Variants in ZDHHC19 observed in about 807,000 individuals in gnomAD.
ZDHHC19 encodes zDHHC palmitoyltransferase 19.
In ZDHHC19, 30 loss-of-function variants were observed where a neutral mutation model predicts 33.9. The ratio of observed to expected loss-of-function variants is 0.88; its 90% CI spans 0.66 to 1.20. The LOEUF (loss-of-function observed/expected upper bound fraction) is 1.20, where lower values mean the gene tolerates loss of function less well. ZDHHC19 is among the 50% of genes most tolerant of loss of function. The pLI is 0.00. For missense variants in ZDHHC19, 364 were observed against 401.1 expected (o/e 0.91, Z 0.79); for synonymous variants, 178 against 167.6 (o/e 1.06, Z -0.48).
chr3:196,210,434 G>T (rs13096129), intron 2 of ZDHHC19, among the ~76,000 whole-genome samples, 182 bp downstream of exon 2: 1 of 92,422 alleles, frequency 1.1e-5, no homozygotes, highest in Non-Finnish European at 2.1e-5. Context: ...AAGAAAGAAA[G>T]AGAAAGAAAG....
At position 196,201,278 on chromosome 3, in the gene ZDHHC19, G is replaced by T. The variant is rs1482142893; in HGVS notation, c.688-2404C>A. Among the ~76,000 whole-genome samples the T allele has an allele frequency of 2.0e-5, 3 of 151,178 alleles. No homozygotes were observed. The South Asian group carries it at 6.2e-4, about 31-fold the overall frequency. On this transcript the variant is annotated intron_variant, in intron 5 of 7. Transcript: ENST00000296326. Reference sequence around the variant, plus strand: ...AGTAGAGACGGGGTTTCACTGTGTTGGCCAGTCTCGAACTCCTGACCTCAT... The same window carrying T: ...AGTAGAGACGGGGTTTCACTGTGTTTGCCAGTCTCGAACTCCTGACCTCAT...
intron 5 of ZDHHC19, among the ~76,000 whole-genome samples, chr3:196,201,873 C>T (rs533348028): frequency 2.0e-5 from 3 of 152,186 alleles, no homozygotes; most frequent in Admixed American, 6.5e-5. Flanking sequence ...CTTCTTGCTC[C>T]GTCTCCCACC....
chr3:196,206,700 G>A lies in ZDHHC19; in HGVS notation c.687+698C>T, dbSNP rs71323708. 4.7e-3 allele frequency among the ~76,000 whole-genome samples: 446 copies of A among 94,550 alleles called. 2 individuals are homozygous for A. Among genetic ancestry groups the A allele is most frequent in the Non-Finnish European group, 7.7e-3 (361 of 46,960 alleles). 62.0% of individuals were successfully genotyped at this position (94,550 alleles called of 152,430 possible). On this transcript the variant is annotated intron_variant, in intron 5 of 7. Coordinates refer to ENST00000296326, the MANE Select transcript of ZDHHC19 (RefSeq NM_001039617.2). Reference sequence around the variant, plus strand: ...TTTTCTTTTTTTTTTTTTTTTTTTGGAGGCAGAGTCTCGCTCTGCTGCCCA... The same window carrying A: ...TTTTCTTTTTTTTTTTTTTTTTTTGAAGGCAGAGTCTCGCTCTGCTGCCCA...
intron 2 of ZDHHC19, among the ~76,000 whole-genome samples, chr3:196,210,282 G>A (rs1164238828): frequency 1.4e-5 from 2 of 140,596 alleles, no homozygotes; most frequent in African/African-American, 5.3e-5. Flanking sequence ...AAGAAAGAAA[G>A]AAAGAAGGAA....
In ZDHHC19 at chr3:196,201,353, A is replaced by C. The variant is rs564748000; in HGVS notation, c.688-2479T>G. 1.8e-3 allele frequency among the ~76,000 whole-genome samples: 264 copies of C among 150,254 alleles called. 1 individual carries two copies. The highest frequency in any genetic ancestry group is 6.1e-3 in the African/African-American group (251 of 40,868). ...AGTGCTGGGATTACAGCCGTGAGCC[A>C]CCGCACCGGGCCAAAACTGACCAAT... On this transcript the variant is annotated intron_variant, in intron 5 of 7. Coordinates refer to ENST00000296326, the MANE Select transcript of ZDHHC19 (RefSeq NM_001039617.2).
At position 196,207,463 on chromosome 3, in the gene ZDHHC19, G is replaced by T. The variant is rs867792234; in HGVS notation, c.622C>A (p.Leu208Met). The change falls in exon 5 of 8, where the codon CTG (leucine) becomes ATG (methionine). Residue 208 changes from leucine to methionine, a missense_variant. By Grantham distance (15) the Leu-to-Met change is conservative. Transcript: ENST00000296326. ...AVSAAGLLVP[L>M]SLLLLIQALS... is the part of the protein sequence containing the mutation. ...GCCTGGATCAGCAGCAGGAGGGACAGCGGCACCAGGAGGCCCGCGGCGGAC... is the reference window on the plus strand; with the variant it reads ...GCCTGGATCAGCAGCAGGAGGGACATCGGCACCAGGAGGCCCGCGGCGGAC... 1 of 1,574,732 alleles carries T rather than the reference G, an allele frequency of 6.4e-7. No homozygotes were observed. Among genetic ancestry groups the T allele is most frequent in the Non-Finnish European group, 8.6e-7 (1 of 1,161,090 alleles).
chr3:196,207,496 C>T lies in ZDHHC19; in HGVS notation c.589G>A (p.Val197Met). The change falls in exon 5 of 8, where the codon GTG becomes ATG. Residue 197 changes from valine to methionine, a missense_variant. Coordinates refer to ENST00000296326, the MANE Select transcript of ZDHHC19 (RefSeq NM_001039617.2). ...AGGAGGCCCGCGGCGGACACGGCCA[C>T]CACGATGCTGCGCGGGTTAAGGAAC... is the stretch of plus-strand genomic sequence containing the variant. Reference protein sequence around the residue: ...FSTDKAIAIVVAVSAAGLLVP... With the variant: ...FSTDKAIAIVMAVSAAGLLVP... 1 of 1,559,652 alleles carries T rather than the reference C, an allele frequency of 6.4e-7. No homozygotes were observed. Among genetic ancestry groups the T allele is most frequent in the Non-Finnish European group, 8.7e-7 (1 of 1,152,622 alleles).
chr3:196,198,588 G>A (rs765212178), intron 6 of ZDHHC19, 137 bp from the exon 7 acceptor site: 5 of 1,548,442 alleles, frequency 3.2e-6, no homozygotes, highest in South Asian at 2.4e-5. Context: ...GGATGCAGCA[G>A]CCCTGTATGC....
rs758110253 is a variant in ZDHHC19, at chr3:196,208,566, C to T, written c.409-6G>A. ...TTGCAGTGGTGGTCAAAGTCCTGGGCGACAGGGAGAGGGGCCAGGCTTGAG... is the reference window on the plus strand; with the variant it reads ...TTGCAGTGGTGGTCAAAGTCCTGGGTGACAGGGAGAGGGGCCAGGCTTGAG... On this transcript the variant is annotated splice_region_variant and splice_polypyrimidine_tract_variant and intron_variant, in intron 3 of 7. Coordinates refer to ENST00000296326, the MANE Select transcript of ZDHHC19 (RefSeq NM_001039617.2). The T allele has an allele frequency of 6.2e-6, 10 of 1,613,560 alleles. No individual in the cohort carries two copies. The highest frequency in any genetic ancestry group is 4.4e-5 in the South Asian group (4 of 91,070).
At chr3:196,202,663 C>G (rs1000362653) in intron 5 of ZDHHC19, among the ~76,000 whole-genome samples, 1 of 152,174 alleles carries the variant, frequency 6.6e-6, no homozygotes, top group Non-Finnish European at 1.5e-5. Flanking sequence ...GGGGACAGGC[C>G]GCTTCCCTGC....
chr3:196,210,558 C>G (rs1723210119), intron 2 of ZDHHC19, 58 bp downstream of exon 2: 1 of 1,610,654 alleles, frequency 6.2e-7, no homozygotes, highest in Admixed American at 1.7e-5. Flanking sequence ...AGGAATCCCC[C>G]CTGCAGGTTC....
At position 196,197,977 on chromosome 3, in the gene ZDHHC19, T is replaced by C. The variant is rs995332391; in HGVS notation, c.*20-252A>G. Among the ~76,000 whole-genome samples the C allele has an allele frequency of 2.0e-5, 3 of 152,136 alleles. No homozygotes were observed. Among genetic ancestry groups the C allele is most frequent in the Admixed American group, 6.5e-5 (1 of 15,288 alleles). ...CCACCCGCACCCCCTGGCCAAATTA[T>C]AAACCACGAGACTCATCTCAGTCCT... On this transcript the variant is annotated intron_variant, in intron 7 of 7. Transcript: ENST00000296326. This position sits in a 1 kb window ranked among gnomAD's most constrained non-coding sequence, Gnocchi z 4.4.
At chr3:196,208,641 C>T in intron 3 of ZDHHC19, 81 bp from the exon 4 acceptor site, 1 of 1,512,276 alleles carries the variant, frequency 6.6e-7, no homozygotes, top group Non-Finnish European at 8.9e-7. Context: ...GAGGCCCTCC[C>T]CCTGCCTTCT....
chr3:196,211,240 G>A lies in ZDHHC19; in HGVS notation c.76C>T (p.Leu26Phe). Reference protein sequence around the residue: ...PLPLVPRPWFLPSLFAAFNVV... With the variant: ...PLPLVPRPWFFPSLFAAFNVV... ...TTGAAGGCAGCAAAGAGGCTAGGGA[G>A]GAACCAGGGACGTGGGACCAGAGGC... The change falls in exon 1 of 8, where the codon CTC becomes TTC. Residue 26 changes from leucine to phenylalanine, a missense_variant. Coordinates refer to ENST00000296326, the MANE Select transcript of ZDHHC19 (RefSeq NM_001039617.2). The A allele has an allele frequency of 6.2e-7, 1 of 1,614,142 alleles. No homozygotes were observed. The highest frequency in any genetic ancestry group is 8.5e-7 in the Non-Finnish European group (1 of 1,180,004).
At chr3:196,207,775 C>G (rs1340452853) in intron 4 of ZDHHC19, among the ~76,000 whole-genome samples, 1 of 32,342 alleles carries the variant, frequency 3.1e-5, no homozygotes, top group Non-Finnish European at 6.3e-5. Context: ...GCCCCGAGCC[C>G]CGCCCCGCCC....
intron 5 of ZDHHC19, among the ~76,000 whole-genome samples, chr3:196,200,568 A>T (rs879917713): frequency 2.0e-5 from 3 of 148,656 alleles, no homozygotes; most frequent in South Asian, 2.1e-4. Flanking sequence ...GTTAGCCAGG[A>T]TGGTCTCGAT....
rs1471676026 is a variant in ZDHHC19, at chr3:196,210,725, C to T, written c.159G>A (p.Leu53=). Residue 53 remains leucine (L), a synonymous_variant, in exon 2 of 8, where the codon CTG becomes CTA. Coordinates refer to ENST00000296326, the MANE Select transcript of ZDHHC19 (RefSeq NM_001039617.2). Reference sequence around the variant, plus strand: ...GAAAGGCCCACTCCCCGTTCTGAGCCAGCCACCTGCAACTGAGACCAGAGG... The same window carrying T: ...GAAAGGCCCACTCCCCGTTCTGAGCTAGCCACCTGCAACTGAGACCAGAGG... ...GLFFAFPCRW[L]AQNGEWAFPV... 3.7e-6 allele frequency: 6 copies of T among 1,613,646 alleles called. No individual in the cohort carries two copies. Among genetic ancestry groups the T allele is most frequent in the Non-Finnish European group, 4.2e-6 (5 of 1,179,826 alleles).
At chr3:196,202,946 G>A (rs922195062) in intron 5 of ZDHHC19, among the ~76,000 whole-genome samples, 3 of 152,062 alleles carry the variant, frequency 2.0e-5, no homozygotes, top group Non-Finnish European at 2.9e-5. Flanking sequence ...GAGAGAGACA[G>A]GAGCATGTGT....
At chr3:196,208,333 GC>G in intron 4 of ZDHHC19, 54 bp downstream of exon 4, 25 of 1,509,862 alleles carry the variant, frequency 1.7e-5, no homozygotes, top group Non-Finnish European at 2.2e-5. Flanking sequence ...GCCCTCTGCA[GC>G]CCCCTCCTTG....
Sources: allele counts gnomAD v4.1 joint callset (sites outside exome capture counted in the v4.1 genomes callset), GRCh38; gene constraint gnomAD v4.1.1; non-coding constraint Gnocchi (gnomAD v3.1); transcripts MANE v1.5; gene names NCBI Gene and HGNC (gene_info 2026-07-23, HGNC 2026-07-21).